The following DMRT1 variants were observed in gnomAD, a reference collection of about 807,000 sequenced individuals.
DMRT1 encodes doublesex- and mab-3-related transcription factor 1.
Under a neutral mutation model 32.3 loss-of-function variants are expected in DMRT1, and 7 were observed. That is an observed-to-expected ratio of 0.22 (90% confidence interval 0.12 to 0.41). DMRT1 has a LOEUF of 0.41. Among genes scored for constraint, DMRT1 ranks in the 10% least tolerant of loss-of-function variants. The pLI is 1.00. For synonymous variants in DMRT1, 278 were observed against 206.1 expected (o/e 1.35, Z -2.99); for missense variants, 625 against 500.5 (o/e 1.25, Z -2.37).
chr9:935,549 C>T (rs1475158494), intron 4 of DMRT1, among the ~76,000 whole-genome samples: 1 of 152,194 alleles, frequency 6.6e-6, no homozygotes, highest in Non-Finnish European at 1.5e-5. Context: ...TAAATACTGG[C>T]GTAATTGCTC....
chr9:904,626 T>A (rs1244491585), intron 3 of DMRT1, among the ~76,000 whole-genome samples: 1 of 152,070 alleles, frequency 6.6e-6, no homozygotes, highest in East Asian at 1.9e-4. Flanking sequence ...TGGCTCATGG[T>A]GGAATGGATG....
intron 2 of DMRT1, among the ~76,000 whole-genome samples, chr9:862,176 G>T (rs1327515983): frequency 6.6e-6 from 1 of 151,066 alleles, no homozygotes; most frequent in Non-Finnish European, 1.5e-5. Context: ...GTTGTAGCGA[G>T]CCGAGATCAC....
In DMRT1 at chr9:890,711, CT is replaced by C. The variant is rs1295036924; in HGVS notation, c.539-3198del. On this transcript the variant is annotated intron_variant, in intron 2 of 4. Transcript: ENST00000382276. The stretch of plus-strand genomic sequence containing the variant: ...AGGACACTTAAACCTCTATTTATTT[CT>C]TTATTTTTATTTTTTTATTTGAGAC... Among the ~76,000 whole-genome samples the C allele has an allele frequency of 2.0e-5, 3 of 151,902 alleles. No individual in the cohort carries two copies. The East Asian group carries it at 5.8e-4, about 29-fold the overall frequency.
chr9:944,940 A>G (rs1819194209), intron 4 of DMRT1, among the ~76,000 whole-genome samples: 1 of 152,030 alleles, frequency 6.6e-6, no homozygotes, highest in South Asian at 2.1e-4. Context: ...CCTAAAATTA[A>G]TGTCCCCCAA....
At chr9:960,454 G>A (rs1247972622) in intron 4 of DMRT1, among the ~76,000 whole-genome samples, 1 of 152,224 alleles carries the variant, frequency 6.6e-6, no homozygotes, top group African/African-American at 2.4e-5. Flanking sequence ...TGCCAGAGGA[G>A]AGGGGACAGA....
chr9:847,041 C>T lies in DMRT1; in HGVS notation c.436C>T (p.Leu146Phe), dbSNP rs867439861. ...PIPLPSAAEL[L>F]VKRENNGSNP... ...CCCACTGCCCAGTGCGGCCGAGCTG[C>T]TTGTCAAAAGAGAGAACAATGGCAG... The change falls in exon 2 of 5, where the codon CTT becomes TTT. Residue 146 changes from leucine (L) to phenylalanine (F), a missense_variant. Coordinates refer to ENST00000382276, the MANE Select transcript of DMRT1 (RefSeq NM_021951.3). 1 of 1,614,140 alleles carries T rather than the reference C, an allele frequency of 6.2e-7. No homozygotes were observed. Among genetic ancestry groups the T allele is most frequent in the South Asian group, 1.1e-5 (1 of 91,080 alleles).
intron 2 of DMRT1, among the ~76,000 whole-genome samples, chr9:887,814 C>T (rs115257337): frequency 0.022 from 3,382 of 152,226 alleles, 98 homozygotes; most frequent in African/African-American, 0.069. Context: ...GTAGATTTCC[C>T]AGTTTGCACC....
chr9:911,521 C>T (rs578099734), intron 3 of DMRT1, among the ~76,000 whole-genome samples: 86 of 113,020 alleles, frequency 7.6e-4, no homozygotes, highest in African/African-American at 2.5e-3. Context: ...TAGATGGAGT[C>T]GCACTCTGTC....
In DMRT1 at chr9:847,073, G is replaced by A. The variant is rs142217519; in HGVS notation, c.468G>A (p.Pro156=). The A allele has an allele frequency of 2.1e-4, 336 of 1,613,966 alleles. No homozygotes were observed. Among genetic ancestry groups the A allele is most frequent in the South Asian group, 1.1e-3 (104 of 91,070 alleles). The change falls in exon 2 of 5, where the codon CCG becomes CCA. Residue 156 remains proline, a synonymous_variant. Transcript: ENST00000382276. ...AAAGAGAGAACAATGGCAGTAACCC[G>A]TGCCTCATGACTGAGTGCAGTGGCA... is the stretch of plus-strand genomic sequence containing the variant. The part of the protein sequence containing the change: ...LVKRENNGSN[P]CLMTECSGTS...
At position 942,160 on chromosome 9, in the gene DMRT1, TG is replaced by T. The variant is rs562794274; in HGVS notation, c.967+25259del. On this transcript the variant is annotated intron_variant, in intron 4 of 4. Coordinates refer to ENST00000382276, the MANE Select transcript of DMRT1 (RefSeq NM_021951.3). ...ATCTAGGCCTTGGTCTTTTTGGAGA[TG>T]GGGGGTAAATCTTTTGATTAACTTT... 1.6e-3 allele frequency among the ~76,000 whole-genome samples: 237 copies of T among 152,308 alleles called. 1 individual carries two copies. The highest frequency in any genetic ancestry group is 5.6e-3 in the African/African-American group (232 of 41,560).
chr9:920,507 C>G (rs879390609), intron 4 of DMRT1, among the ~76,000 whole-genome samples: 3 of 152,278 alleles, frequency 2.0e-5, no homozygotes, highest in Middle Eastern at 3.4e-3. Context: ...TGAGTGGTCA[C>G]TTTGGTGGGA....
At chr9:889,145 C>G (rs761092050) in intron 2 of DMRT1, among the ~76,000 whole-genome samples, 9 of 152,114 alleles carry the variant, frequency 5.9e-5, no homozygotes, top group Non-Finnish European at 8.8e-5. Flanking sequence ...TTGGATTAGA[C>G]ACATGTAGCT....
intron 4 of DMRT1, among the ~76,000 whole-genome samples, chr9:939,621 C>T (rs1185599303): frequency 6.6e-6 from 1 of 152,144 alleles, no homozygotes; most frequent in Non-Finnish European, 1.5e-5. Flanking sequence ...GAGGGCTTTG[C>T]ATTATTCTCT....
chr9:874,063 A>G (rs1816390338), intron 2 of DMRT1, among the ~76,000 whole-genome samples: 1 of 152,210 alleles, frequency 6.6e-6, no homozygotes, highest in Non-Finnish European at 1.5e-5. Flanking sequence ...ACAAATTTAA[A>G]ATGTAGTCCT....
intron 2 of DMRT1, among the ~76,000 whole-genome samples, chr9:889,766 T>C (rs987069590): frequency 6.6e-6 from 1 of 152,206 alleles, no homozygotes; most frequent in African/African-American, 2.4e-5. Context: ...TCTGCTACTG[T>C]ATTTTGTTTT....
intron 4 of DMRT1, among the ~76,000 whole-genome samples, 194 bp downstream of exon 4, chr9:917,101 GT>G (rs140144138): frequency 6.6e-6 from 1 of 151,976 alleles, no homozygotes; most frequent in Non-Finnish European, 1.5e-5. Flanking sequence ...TTAATATCAT[GT>G]TTTTTTTCCT....
intron 2 of DMRT1, among the ~76,000 whole-genome samples, chr9:893,080 TA>T (rs200925062): frequency 0.025 from 3,358 of 132,232 alleles, 127 homozygotes; most frequent in African/African-American, 0.098. Flanking sequence ...TGGTAGGTGG[TA>T]GGTGGTATTC....
At chr9:858,325 T>C (rs911746506) in intron 2 of DMRT1, among the ~76,000 whole-genome samples, 1 of 152,074 alleles carries the variant, frequency 6.6e-6, no homozygotes, top group Non-Finnish European at 1.5e-5. Context: ...CTTGCTGCCA[T>C]AGGGAACTTT....
intron 4 of DMRT1, among the ~76,000 whole-genome samples, chr9:923,187 G>C (rs1480657721): frequency 6.6e-6 from 1 of 152,148 alleles, no homozygotes; most frequent in Non-Finnish European, 1.5e-5. Context: ...AGGTCATCTG[G>C]CTGCACCTCC....
Sources: allele counts gnomAD v4.1 joint callset (sites outside exome capture counted in the v4.1 genomes callset), GRCh38; gene constraint gnomAD v4.1.1; transcripts MANE v1.5; gene names NCBI Gene and HGNC (gene_info 2026-07-23, HGNC 2026-07-21).